PAPOLA: variants seen among roughly 807,000 people sequenced by gnomAD.
PAPOLA encodes the protein polynucleotide adenylyltransferase alpha.
A neutral mutation model predicts 100.6 loss-of-function variants in PAPOLA; 15 were observed. The observed-to-expected ratio is 0.15, with a 90% confidence interval of 0.10 to 0.23. The LOEUF is 0.23. PAPOLA is among the 10% of genes least tolerant of loss of function. The probability of loss-of-function intolerance (pLI) is 1.00; values close to 1 mark genes in which losing one functional copy is unlikely to be tolerated. For synonymous variants in PAPOLA, 293 were observed against 300.0 expected, an observed-to-expected ratio of 0.98 and a Z score of 0.24; for missense variants, 533 against 884.2, an observed-to-expected ratio of 0.60 and a Z score of 5.04.
intron 15 of PAPOLA, among the ~76,000 whole-genome samples, chr14:96,546,605 G>C (rs180878983): frequency 6.6e-6 from 1 of 152,164 alleles, no homozygotes; most frequent in East Asian, 1.9e-4. Flanking sequence ...TACCCAGTGA[G>C]GCCTGGAGCA....
intron 15 of PAPOLA, among the ~76,000 whole-genome samples, chr14:96,546,547 T>C (rs1900409234): frequency 6.6e-6 from 1 of 152,126 alleles, no homozygotes; most frequent in Non-Finnish European, 1.5e-5. Flanking sequence ...CACAGTCCTT[T>C]ATCTGTAAGT....
chr14:96,534,285 A>C (rs984962944), intron 9 of PAPOLA: 2 of 1,356,386 alleles, frequency 1.5e-6, no homozygotes, highest in African/African-American at 2.9e-5. Flanking sequence ...CAGTCTGAGA[A>C]GGCTACCAAA....
Position 96,556,242 on chromosome 14 carries a change from G to T in PAPOLA, c.1833G>T (p.Thr611=), listed in dbSNP as rs764145665. 3.7e-6 allele frequency: 6 copies of T among 1,613,876 alleles called. No homozygotes were observed. The highest frequency in any genetic ancestry group is 5.1e-6 in the Non-Finnish European group (6 of 1,179,998). Residue 611 remains threonine (T), a synonymous_variant, in exon 19 of 22, where the codon ACG becomes ACT. Transcript: ENST00000216277. The part of the protein sequence containing the change: ...QPAISPPPKP[T]VSRVVSSTRL... ...CCATTTCTCCACCACCAAAGCCTAC[G>T]GTCTCCAGAGTTGTTTCTTCAACAC...
chr14:96,563,242 G>A (rs553332111), intron 21 of PAPOLA, among the ~76,000 whole-genome samples: 12 of 152,218 alleles, frequency 7.9e-5, no homozygotes, highest in Admixed American at 6.5e-5. Context: ...AACATTCTTC[G>A]TGGATTTCTT....
At chr14:96,505,259 C>T (rs1896627963) in intron 1 of PAPOLA, among the ~76,000 whole-genome samples, 1 of 152,158 alleles carries the variant, frequency 6.6e-6, no homozygotes, top group Non-Finnish European at 1.5e-5. Flanking sequence ...CCGGGAGCTC[C>T]ACCCCTCCAT....
intron 8 of PAPOLA, 45 bp from the exon 9 acceptor site, chr14:96,532,466 T>G: frequency 6.2e-7 from 1 of 1,607,180 alleles, no homozygotes; most frequent in Non-Finnish European, 8.5e-7. Context: ...TGTTCAAACT[T>G]TTGTTCAACA....
intron 7 of PAPOLA, 23 bp from the exon 8 acceptor site, chr14:96,532,304 GTGTT>G (rs747550058): frequency 9.0e-6 from 14 of 1,559,852 alleles, no homozygotes; most frequent in African/African-American, 4.2e-5. Flanking sequence ...GTGTGTGTGT[GTGTT>G]TTTTTTTACC....
At position 96,520,577 on chromosome 14, in the gene PAPOLA, A is replaced by AT. The variant is rs199701932; in HGVS notation, c.182+350dup. 7.8e-3 allele frequency among the ~76,000 whole-genome samples: 1,176 copies of AT among 150,672 alleles called. 21 individuals carry two copies. Among genetic ancestry groups the AT allele is most frequent in the African/African-American group, 0.027 (1,087 of 40,076 alleles). On this transcript the variant is annotated intron_variant, in intron 2 of 21. Coordinates refer to ENST00000216277, the MANE Select transcript of PAPOLA (RefSeq NM_032632.5). Reference sequence around the variant, plus strand: ...TTTTTAGTAGAGGTGGGGTTTCACCATGTTGGGCAGGCTGGTCTCGAACTC... The same window carrying AT: ...TTTTTAGTAGAGGTGGGGTTTCACCATTGTTGGGCAGGCTGGTCTCGAACTC...
intron 12 of PAPOLA, among the ~76,000 whole-genome samples, chr14:96,539,762 T>G (rs1009201384): frequency 3.9e-5 from 6 of 152,114 alleles, no homozygotes; most frequent in Non-Finnish European, 7.4e-5. Flanking sequence ...TACACTAGGT[T>G]TCTGTGGTCT....
chr14:96,542,250 A>G lies in PAPOLA; in HGVS notation c.1123A>G (p.Ile375Val). 1 of 1,584,024 alleles carries G rather than the reference A, an allele frequency of 6.3e-7. No homozygotes were observed. Among genetic ancestry groups the G allele is most frequent in the Non-Finnish European group, 8.7e-7 (1 of 1,153,082 alleles). Residue 375 changes from isoleucine to valine, a missense_variant, in exon 13 of 22, where the codon ATT becomes GTT. This residue lies in a region of PAPOLA where 87 missense variants were observed against 173.3 expected (regional missense o/e 0.50). Transcript: ENST00000216277. Reference sequence around the variant, plus strand: ...TTGTCTTTATCTTCAAAGGCATTATATTGTACTTCTAGCAAGTGCACCAAC... The same window carrying G: ...TTGTCTTTATCTTCAAAGGCATTATGTTGTACTTCTAGCAAGTGCACCAAC... ...PNFFQKYKHY[I>V]VLLASAPTEK...
intron 1 of PAPOLA, among the ~76,000 whole-genome samples, chr14:96,514,908 C>G (rs72706845): frequency 0.061 from 9,272 of 152,224 alleles, 309 homozygotes; most frequent in Middle Eastern, 0.092. Context: ...GAAGTGAAAT[C>G]AGGCCTGCTT....
chr14:96,555,257 G>A (rs905275516), intron 17 of PAPOLA, among the ~76,000 whole-genome samples: 1 of 73,422 alleles, frequency 1.4e-5, no homozygotes. Flanking sequence ...TTTTTTTCTT[G>A]TAGAGACGAG....
At chr14:96,524,059 T>A (rs1898249628) in intron 3 of PAPOLA, among the ~76,000 whole-genome samples, 1 of 152,176 alleles carries the variant, frequency 6.6e-6, no homozygotes, top group African/African-American at 2.4e-5. Context: ...GCTTTAGGGT[T>A]TTTTTGGAGT....
In PAPOLA at chr14:96,538,262, T is replaced by G. The variant is rs1310604751; in HGVS notation, c.1115+1202T>G. Among the ~76,000 whole-genome samples, 6 of 152,134 alleles carry G rather than the reference T, an allele frequency of 3.9e-5. No homozygotes were observed. The East Asian group carries it at 1.2e-3, about 29-fold the overall frequency. ...ACCCCTTAATTCCTGGAATCAATGA[T>G]GAAACTAGATTCAAACTTTGTTCTA... On this transcript the variant is annotated intron_variant, in intron 12 of 21. Transcript: ENST00000216277.
chr14:96,506,346 C>G (rs965876733), intron 1 of PAPOLA, among the ~76,000 whole-genome samples: 3 of 152,132 alleles, frequency 2.0e-5, no homozygotes, highest in African/African-American at 7.2e-5. Flanking sequence ...AAGCTGTATA[C>G]TGGGGAGTAG....
At chr14:96,552,754 C>A in intron 17 of PAPOLA, 132 bp downstream of exon 17, 1 of 774,316 alleles carries the variant, frequency 1.3e-6, no homozygotes, top group Non-Finnish European at 2.0e-6. Context: ...TTTTAAATAG[C>A]AATTTAATTC....
chr14:96,564,896 A>G, intron 21 of PAPOLA, 59 bp from the exon 22 acceptor site: 1 of 881,846 alleles, frequency 1.1e-6, no homozygotes, highest in Non-Finnish European at 1.9e-6. Context: ...TGGAAAATAC[A>G]TCTCATTGTT....
Position 96,531,605 on chromosome 14 carries a change from C to T in PAPOLA, c.607+19C>T. 3 of 1,584,586 alleles carry T rather than the reference C, an allele frequency of 1.9e-6. No individual in the cohort carries two copies. The highest frequency in any genetic ancestry group is 2.6e-6 in the Non-Finnish European group (3 of 1,163,598). ...CTTAACGGTATGAGAAAGCCTACTT[C>T]CTTTTGTGTACTTCAGTTTTTGTCA... On this transcript the variant is annotated intron_variant, in intron 7 of 21. Transcript: ENST00000216277.
intron 14 of PAPOLA, among the ~76,000 whole-genome samples, chr14:96,543,303 T>C (rs1358370266): frequency 6.6e-6 from 1 of 152,102 alleles, no homozygotes; most frequent in Non-Finnish European, 1.5e-5. Context: ...AAAATCTGAT[T>C]TATGCGTGAT....
Sources: gnomAD v4.1 joint callset for allele counts (sites outside exome capture counted in the v4.1 genomes callset) on GRCh38, gnomAD v4.1.1 for gene constraint, gnomAD v4.1.1 regional missense constraint, MANE v1.5 for transcripts, NCBI Gene and HGNC (gene_info 2026-07-23, HGNC 2026-07-21) for gene names.